NDST4: variants seen among roughly 807,000 people sequenced by gnomAD.
NDST4 encodes N-heparan sulfate sulfotransferase 4.
A neutral mutation model predicts 100.8 loss-of-function variants in NDST4; 63 were observed. The observed-to-expected ratio is 0.62, with a 90% CI of 0.51 to 0.77. The LOEUF is 0.77. Among genes scored for constraint, NDST4 ranks in the 30% least tolerant of loss-of-function variants. The probability of loss-of-function intolerance (pLI) is 0.00; values close to 1 mark genes in which losing one functional copy is unlikely to be tolerated. For missense variants in NDST4, 943 were observed against 1,018.4 expected, an observed-to-expected ratio of 0.93 and a Z score of 1.01; for synonymous variants, 377 against 361.8, an observed-to-expected ratio of 1.04 and a Z score of -0.48.
chr4:114,879,254 G>T (rs1724317704), intron 6 of NDST4, among the ~76,000 whole-genome samples: 1 of 152,124 alleles, frequency 6.6e-6, no homozygotes, highest in African/African-American at 2.4e-5. Context: ...TGTGCAATAG[G>T]AAACTAAAAC....
At chr4:115,093,778 A>G (rs913640906) in intron 1 of NDST4, among the ~76,000 whole-genome samples, 99 of 152,222 alleles carry the variant, frequency 6.5e-4, no homozygotes, top group African/African-American at 2.3e-3. Flanking sequence ...TAAATAAGAT[A>G]TGAGTAAAAT....
intron 2 of NDST4, among the ~76,000 whole-genome samples, chr4:115,006,941 A>G (rs1727432814): frequency 6.6e-6 from 1 of 152,140 alleles, no homozygotes; most frequent in South Asian, 2.1e-4. Flanking sequence ...AACAACAGTA[A>G]TAATAATAGA....
chr4:114,987,333 T>G (rs1175006273), intron 2 of NDST4, among the ~76,000 whole-genome samples: 1 of 152,188 alleles, frequency 6.6e-6, no homozygotes, highest in Non-Finnish European at 1.5e-5. Flanking sequence ...AACTTTAAAA[T>G]GTAACTTGAA....
At chr4:114,918,726 G>C (rs1402290795) in intron 6 of NDST4, among the ~76,000 whole-genome samples, 3 of 152,090 alleles carry the variant, frequency 2.0e-5, no homozygotes, top group African/African-American at 7.2e-5. Context: ...TCCCCGGTCA[G>C]AGATCAACTA....
chr4:114,873,664 A>C (rs1340192839), intron 6 of NDST4, among the ~76,000 whole-genome samples: 1 of 152,032 alleles, frequency 6.6e-6, no homozygotes, highest in Non-Finnish European at 1.5e-5. Context: ...ATATAATTGC[A>C]ATTATTGTCA....
intron 2 of NDST4, among the ~76,000 whole-genome samples, chr4:114,989,930 T>C (rs919247419): frequency 2.6e-5 from 4 of 152,184 alleles, no homozygotes; most frequent in African/African-American, 4.8e-5. Context: ...TATTCTTCAG[T>C]AGAGAAGTGT....
At chr4:114,875,904 T>C (rs1724244810) in intron 6 of NDST4, among the ~76,000 whole-genome samples, 1 of 152,208 alleles carries the variant, frequency 6.6e-6, no homozygotes, top group African/African-American at 2.4e-5. Context: ...TGATCATGAA[T>C]ATCAGTAGCC....
intron 9 of NDST4, among the ~76,000 whole-genome samples, chr4:114,847,974 T>C (rs1274965571): frequency 6.6e-6 from 1 of 152,206 alleles, no homozygotes; most frequent in East Asian, 1.9e-4. Context: ...TGATGAAATA[T>C]ATCCCATAAT....
intron 10 of NDST4, chr4:114,842,618 TAAAAAAAAAAAAA>T (rs71584042): frequency 0.03 from 1,244 of 41,112 alleles, 51 homozygotes; most frequent in African/African-American, 0.12. Context: ...CAGTCTCTAC[TAAAAAAAAAAAAA>T]AAAAAAAAAA....
Position 115,014,467 on chromosome 4 carries a change from A to C in NDST4, c.979-37193T>G, listed in dbSNP as rs567862827. Among the ~76,000 whole-genome samples, 9 of 152,192 alleles carry C rather than the reference A, an allele frequency of 5.9e-5. No individual in the cohort carries two copies. The East Asian group carries it at 1.7e-3, about 30-fold the overall frequency. On this transcript the variant is annotated intron_variant, in intron 2 of 13. Coordinates refer to ENST00000264363, the MANE Select transcript of NDST4 (RefSeq NM_022569.3). ...TGGTCATGTCGAGATATATTTTCTA[A>C]GGTGAAGGATAAGTTGTTGCATCAA...
rs553993210 is a variant in NDST4 at position 114,937,541 on chromosome 4, G to A, written c.1222-38C>T. The A allele has an allele frequency of 2.0e-6, 3 of 1,464,472 alleles. No homozygotes were observed. In the East Asian group the frequency reaches 7.0e-5, roughly 34 times the overall value. 90.7% of individuals were successfully genotyped at this position (1,464,472 alleles called of 1,614,324 possible). On this transcript the variant is annotated intron_variant, in intron 4 of 13. Transcript: ENST00000264363. The stretch of plus-strand genomic sequence containing the variant: ...CAGAACAACATCATGATGGGACAAG[G>A]CCAATTAATTCAGTGAAAATCATTT...
At chr4:114,850,577 ACTT>A (rs1392516351) in intron 8 of NDST4, among the ~76,000 whole-genome samples, 1 of 152,068 alleles carries the variant, frequency 6.6e-6, no homozygotes, top group Non-Finnish European at 1.5e-5. Context: ...TTTTATATCA[ACTT>A]CTTTAATATA....
chr4:115,083,050 T>C (rs1269133338), intron 1 of NDST4, among the ~76,000 whole-genome samples: 1 of 152,196 alleles, frequency 6.6e-6, no homozygotes, highest in African/African-American at 2.4e-5. Context: ...AAAACTATTT[T>C]ATTATATACC....
chr4:114,878,483 T>C (rs1297330654), intron 6 of NDST4, among the ~76,000 whole-genome samples: 1 of 152,194 alleles, frequency 6.6e-6, no homozygotes, highest in African/African-American at 2.4e-5. Flanking sequence ...CAGAAGTTTG[T>C]ATTTAATAAG....
chr4:114,889,919 T>G (rs1338607337), intron 6 of NDST4, among the ~76,000 whole-genome samples: 2 of 152,122 alleles, frequency 1.3e-5, no homozygotes, highest in Non-Finnish European at 2.9e-5. Context: ...TGGTTCACAA[T>G]GAATACAAAA....
rs1578330448 is a variant in NDST4, at chr4:114,829,993, GATTTA to G, written c.2397-106_2397-102del. 4 of 773,710 alleles carry G rather than the reference GATTTA, an allele frequency of 5.2e-6. No individual in the cohort carries two copies. The South Asian group carries it at 6.5e-5, about 13-fold the overall frequency. 47.9% of individuals were successfully genotyped at this position (773,710 alleles called of 1,614,324 possible). A position where few individuals can be genotyped will look rare whatever the true frequency, so the allele number is the denominator to read the frequency against. ...GGAAATGTATTTTTGTATGCCCACT[GATTTA>G]ATTTAATTCATTTTTACAGATATTT... On this transcript the variant is annotated intron_variant, in intron 12 of 13. Transcript: ENST00000264363.
chr4:114,986,788 T>TTATATATATATATATA (rs1236404282), intron 2 of NDST4, among the ~76,000 whole-genome samples: 1 of 65,982 alleles, frequency 1.5e-5, no homozygotes, highest in African/African-American at 7.3e-5. Flanking sequence ...TGGTATCCAA[T>TTATATATATATATATA]TATACATATA....
At chr4:115,109,052 A>G (rs1729888663) in intron 1 of NDST4, among the ~76,000 whole-genome samples, 4 of 151,052 alleles carry the variant, frequency 2.6e-5, no homozygotes, top group Non-Finnish European at 4.4e-5. Flanking sequence ...AGGAAGGAAG[A>G]AAGGAAGGGA....
chr4:114,965,311 T>G (rs982911428), intron 4 of NDST4, among the ~76,000 whole-genome samples: 3 of 152,088 alleles, frequency 2.0e-5, no homozygotes, highest in African/African-American at 7.2e-5. Flanking sequence ...TCATATTACT[T>G]TATTTCTTTT....
Sources: allele counts gnomAD v4.1 joint callset (sites outside exome capture counted in the v4.1 genomes callset), GRCh38; gene constraint gnomAD v4.1.1; transcripts MANE v1.5; gene names NCBI Gene and HGNC (gene_info 2026-07-23, HGNC 2026-07-21).